CDIP1: variants seen among roughly 807,000 people sequenced by gnomAD.
CDIP1 encodes the protein cell death-inducing p53-target protein 1.
Under a neutral mutation model 17.7 loss-of-function variants are expected in CDIP1, and 9 were observed. That is an observed-to-expected ratio of 0.51 (90% CI 0.31 to 0.89). The LOEUF is 0.89. CDIP1 is among the 40% of genes least tolerant of loss of function. The pLI, the probability that CDIP1 is intolerant of heterozygous loss-of-function variation, is 0.05. For synonymous variants in CDIP1, 117 were observed against 109.5 expected (o/e 1.07, Z -0.43); for missense variants, 263 against 277.9 (o/e 0.95, Z 0.38).
At chr16:4,537,474 C>T (rs924256246) in intron 1 of CDIP1, among the ~76,000 whole-genome samples, 1 of 152,182 alleles carries the variant, frequency 6.6e-6, no homozygotes, top group Non-Finnish European at 1.5e-5. Flanking sequence ...AGCAAAGAAC[C>T]CAGGAGAGCA....
At chr16:4,527,336 C>A (rs1457596349) in intron 1 of CDIP1, among the ~76,000 whole-genome samples, 2 of 152,146 alleles carry the variant, frequency 1.3e-5, no homozygotes, top group African/African-American at 4.8e-5. Flanking sequence ...ATCCACCTGC[C>A]TCGGCCTCCC....
intron 1 of CDIP1, chr16:4,536,588 ACAGT>A (rs2059108380): frequency 6.6e-6 from 1 of 152,088 alleles, no homozygotes; most frequent in Non-Finnish European, 1.5e-5. Flanking sequence ...TTTACATCAT[ACAGT>A]CAATGTTCTG....
intron 1 of CDIP1, among the ~76,000 whole-genome samples, chr16:4,528,239 G>A (rs2059020360): frequency 6.6e-6 from 1 of 152,148 alleles, no homozygotes; most frequent in Non-Finnish European, 1.5e-5. Flanking sequence ...CACATTTTTT[G>A]TCTTTGTTTT....
chr16:4,515,785 C>T (rs2058880861), intron 1 of CDIP1, among the ~76,000 whole-genome samples: 1 of 152,130 alleles, frequency 6.6e-6, no homozygotes, highest in African/African-American at 2.4e-5. Context: ...AACTGGAACC[C>T]TCATACACTG....
chr16:4,529,613 C>G (rs2059034699), intron 1 of CDIP1, among the ~76,000 whole-genome samples: 1 of 152,216 alleles, frequency 6.6e-6, no homozygotes, highest in Non-Finnish European at 1.5e-5. Context: ...TTGGTAACTA[C>G]AAGGCTGACT....
chr16:4,531,786 T>C (rs541284188), intron 1 of CDIP1, among the ~76,000 whole-genome samples: 1 of 152,234 alleles, frequency 6.6e-6, no homozygotes, highest in Admixed American at 6.5e-5. Flanking sequence ...CAAAATACAC[T>C]TGAGTGGGAT....
chr16:4,528,841 T>G (rs2059026906), intron 1 of CDIP1, among the ~76,000 whole-genome samples: 1 of 151,904 alleles, frequency 6.6e-6, no homozygotes, highest in East Asian at 1.9e-4. Flanking sequence ...ATACAAAAAT[T>G]AGCCAGGCGT....
chr16:4,526,584 C>T (rs2059003230), intron 1 of CDIP1, among the ~76,000 whole-genome samples: 1 of 151,620 alleles, frequency 6.6e-6, no homozygotes, highest in South Asian at 2.1e-4. Context: ...CCTGCAGTCC[C>T]ATCTACTCAG....
chr16:4,525,608 G>T (rs941201241), intron 1 of CDIP1, among the ~76,000 whole-genome samples: 11 of 152,172 alleles, frequency 7.2e-5, no homozygotes, highest in Admixed American at 7.2e-4. Flanking sequence ...AAGTCCATGT[G>T]GGACCAGGCC....
intron 1 of CDIP1, among the ~76,000 whole-genome samples, chr16:4,534,843 G>A (rs1006864599): frequency 4.6e-5 from 7 of 151,776 alleles, no homozygotes; most frequent in Admixed American, 1.3e-4. Context: ...CTCAGCCTCC[G>A]GAGTAGCTGG....
chr16:4,522,081 C>T (rs529666402), intron 1 of CDIP1, among the ~76,000 whole-genome samples: 1 of 152,350 alleles, frequency 6.6e-6, no homozygotes, highest in Admixed American at 6.5e-5. Flanking sequence ...GGGGATGCCT[C>T]TACCGGATTC....
At position 4,512,736 on chromosome 16, in the gene CDIP1, G is replaced by A; in HGVS notation, c.516-53C>T. ...TGAGGCCTGCTGCGGAGGAGGCAGAGGCAGCCAGTTGACCCTGGTGCAGCC... is the reference window on the plus strand; with the variant it reads ...TGAGGCCTGCTGCGGAGGAGGCAGAAGCAGCCAGTTGACCCTGGTGCAGCC... On this transcript the variant is annotated intron_variant, in intron 5 of 5. Transcript: ENST00000567695. The surrounding 1 kb of genome is among the most constrained non-coding windows in gnomAD (Gnocchi z 4.6). 6.2e-7 allele frequency: 1 copy of A among 1,604,970 alleles called. No individual in the cohort carries two copies. Among genetic ancestry groups the A allele is most frequent in the Non-Finnish European group, 8.5e-7 (1 of 1,173,574 alleles).
intron 1 of CDIP1, chr16:4,538,496 G>A (rs1236624537): frequency 1.6e-5 from 2 of 125,102 alleles, no homozygotes; most frequent in African/African-American, 7.0e-5. Flanking sequence ...AGTCCGCCCG[G>A]TCACCCCCCC....
intron 1 of CDIP1, among the ~76,000 whole-genome samples, chr16:4,519,335 C>T (rs949259354): frequency 2.0e-5 from 3 of 152,240 alleles, no homozygotes; most frequent in Non-Finnish European, 4.4e-5. Flanking sequence ...TGGACGTCTT[C>T]TAGTGGCATT....
At chr16:4,533,217 A>C (rs963179521) in intron 1 of CDIP1, 2 of 152,296 alleles carry the variant, frequency 1.3e-5, no homozygotes, top group African/African-American at 4.8e-5. Flanking sequence ...CATGGGCTTC[A>C]CAGCCCTGCA....
rs8129 is a variant in CDIP1 at position 4,512,350 on chromosome 16, T to C, written c.*222A>G. 0.7 allele frequency: 413,284 copies of C among 591,820 alleles called. 145,843 individuals carry two copies. Among genetic ancestry groups the C allele is most frequent in the Non-Finnish European group, 0.74 (242,136 of 328,804 alleles). 36.7% of individuals were successfully genotyped at this position (591,820 alleles called of 1,614,324 possible). A position where few individuals can be genotyped will look rare whatever the true frequency, so the allele number is the denominator to read the frequency against. ...AGACCAACAACACACAAGCTCATTG[T>C]CAGCCCCCTGCCACCCACTGACCCT... On this transcript the variant is annotated 3_prime_UTR_variant, in exon 6 of 6. Transcript: ENST00000567695. The surrounding 1 kb of genome is among the most constrained non-coding windows in gnomAD (Gnocchi z 4.6).
chr16:4,528,525 G>A (rs1271680599), intron 1 of CDIP1, among the ~76,000 whole-genome samples: 6 of 151,942 alleles, frequency 3.9e-5, no homozygotes, highest in African/African-American at 1.2e-4. Flanking sequence ...TCCTCAAAAT[G>A]CTCATTATAA....
rs1394278510 is a variant in CDIP1 at position 4,512,290 on chromosome 16, C to T, written c.*282G>A. Reference sequence around the variant, plus strand: ...GCATCAGGACCCCAGCAGGAGACCCCTCCCAGCTTATCTTCCCGATCACAC... The same window carrying T: ...GCATCAGGACCCCAGCAGGAGACCCTTCCCAGCTTATCTTCCCGATCACAC... On this transcript the variant is annotated 3_prime_UTR_variant, in exon 6 of 6. Transcript: ENST00000567695. This position sits in a 1 kb window ranked among gnomAD's most constrained non-coding sequence, Gnocchi z 4.6. 1.9e-6 allele frequency: 1 copy of T among 525,704 alleles called. No homozygotes were observed. Among genetic ancestry groups the T allele is most frequent in the African/African-American group, 1.9e-5 (1 of 52,304 alleles). The allele number at this position is 525,704 out of a possible 1,614,324, so 32.6% of individuals were successfully genotyped here.
In CDIP1 at chr16:4,533,958, T is replaced by C. The variant is rs145729573; in HGVS notation, c.-105+4744A>G. Among the ~76,000 whole-genome samples the C allele has an allele frequency of 5.3e-5, 8 of 152,146 alleles. No homozygotes were observed. The East Asian group carries it at 1.5e-3, about 29-fold the overall frequency. On this transcript the variant is annotated intron_variant, in intron 1 of 5. Coordinates refer to ENST00000567695, the MANE Select transcript of CDIP1 (RefSeq NM_013399.3). ...TAAGTGGACCTCCTGTGCCATTCTTTTTTGTTTGTTTTGAAACAGTCTCAC... is the reference window on the plus strand; with the variant it reads ...TAAGTGGACCTCCTGTGCCATTCTTCTTTGTTTGTTTTGAAACAGTCTCAC...
Sources: allele counts gnomAD v4.1 joint callset (sites outside exome capture counted in the v4.1 genomes callset), GRCh38; gene constraint gnomAD v4.1.1; non-coding constraint Gnocchi (gnomAD v3.1); transcripts MANE v1.5; gene names NCBI Gene and HGNC (gene_info 2026-07-23, HGNC 2026-07-21).